The following PTPRN2 variants were observed in gnomAD, a reference collection of about 807,000 sequenced individuals.
PTPRN2 encodes the protein protein tyrosine phosphatase receptor type N2.
Under a neutral mutation model 118.8 loss-of-function variants are expected in PTPRN2, and 74 were observed. The observed-to-expected ratio is 0.62, with a 90% CI of 0.52 to 0.76. The LOEUF is 0.76. PTPRN2 is among the 30% of genes least tolerant of loss of function. The pLI, the probability that PTPRN2 is intolerant of heterozygous loss-of-function variation, is 0.00. For missense variants in PTPRN2, 1,481 were observed against 1,394.4 expected (o/e 1.06, Z -0.99); for synonymous variants, 641 against 608.0 (o/e 1.05, Z -0.80).
intron 12 of PTPRN2, among the ~76,000 whole-genome samples, chr7:157,775,166 C>T (rs918389218): frequency 1.3e-5 from 2 of 152,298 alleles, no homozygotes; most frequent in Admixed American, 6.5e-5. Flanking sequence ...AGTGTAGGCT[C>T]AGATGTGACT....
At chr7:158,026,902 C>T (rs1807315795) in intron 11 of PTPRN2, among the ~76,000 whole-genome samples, 1 of 152,280 alleles carries the variant, frequency 6.6e-6, no homozygotes. Flanking sequence ...GTCCAGCAGC[C>T]ACTCGGCTCT....
At chr7:158,417,250 G>A (rs1814751242) in intron 2 of PTPRN2, among the ~76,000 whole-genome samples, 1 of 152,046 alleles carries the variant, frequency 6.6e-6, no homozygotes, top group African/African-American at 2.4e-5. Flanking sequence ...GTCCTGCTGT[G>A]TTAAGTCATG....
intron 11 of PTPRN2, among the ~76,000 whole-genome samples, chr7:158,025,226 T>C (rs529988213): frequency 6.6e-6 from 1 of 152,270 alleles, no homozygotes; most frequent in South Asian, 2.1e-4. Flanking sequence ...AGTGTGATGG[T>C]TGGTAACTAG....
At chr7:158,372,375 CA>C (rs1563213289) in intron 2 of PTPRN2, among the ~76,000 whole-genome samples, 12 of 133,044 alleles carry the variant, frequency 9.0e-5, no homozygotes, top group Non-Finnish European at 1.5e-4. Context: ...GGCTGGACCC[CA>C]GAGCTGGCCT....
At chr7:157,983,448 G>T (rs1803469711) in intron 11 of PTPRN2, among the ~76,000 whole-genome samples, 1 of 151,618 alleles carries the variant, frequency 6.6e-6, no homozygotes. Context: ...AATGCAGAGT[G>T]CGGGGTCTCC....
chr7:157,636,506 C>CAT (rs1192255839), intron 14 of PTPRN2, among the ~76,000 whole-genome samples: 1 of 152,192 alleles, frequency 6.6e-6, no homozygotes, highest in Non-Finnish European at 1.5e-5. Context: ...TTAATTCAGT[C>CAT]TTATAATATT....
chr7:158,530,508 C>G (rs1207271938), intron 1 of PTPRN2, among the ~76,000 whole-genome samples: 4 of 152,090 alleles, frequency 2.6e-5, no homozygotes, highest in Non-Finnish European at 5.9e-5. Context: ...ACAGGGAGCT[C>G]TGGTACCCCA....
intron 12 of PTPRN2, among the ~76,000 whole-genome samples, chr7:157,839,798 T>C (rs940929659): frequency 1.4e-5 from 2 of 145,180 alleles, no homozygotes; most frequent in Non-Finnish European, 3.0e-5. Flanking sequence ...TGTGTGGCCA[T>C]ATGTGACTGT....
chr7:158,221,727 GTCAATTATC>G (rs1828392284), intron 3 of PTPRN2, among the ~76,000 whole-genome samples: 1 of 152,132 alleles, frequency 6.6e-6, no homozygotes, highest in Non-Finnish European at 1.5e-5. Context: ...TGCCCCATGA[GTCAATTATC>G]TCCTACCAGG....
intron 2 of PTPRN2, among the ~76,000 whole-genome samples, chr7:158,328,317 C>A (rs1419087419): frequency 1.3e-5 from 2 of 152,210 alleles, no homozygotes. Context: ...CCGTGGGCTG[C>A]GTCCAAGGCA....
chr7:158,005,311 T>C (rs1231425581), intron 11 of PTPRN2, among the ~76,000 whole-genome samples: 2 of 152,062 alleles, frequency 1.3e-5, no homozygotes, highest in Non-Finnish European at 2.9e-5. Flanking sequence ...CGACCTCATG[T>C]GATCCGCTCA....
Position 157,619,922 on chromosome 7 carries a change from C to T in PTPRN2, c.2344+1440G>A, listed in dbSNP as rs1477889628. 1.3e-5 allele frequency among the ~76,000 whole-genome samples: 2 copies of T among 152,162 alleles called. No individual in the cohort carries two copies. Among genetic ancestry groups the T allele is most frequent in the South Asian group, 2.1e-4 (1 of 4,826 alleles). On this transcript the variant is annotated intron_variant, in intron 15 of 22. Transcript: ENST00000389418. The surrounding 1 kb of genome is among the most constrained non-coding windows in gnomAD (Gnocchi z 5.3). ...AAGGGTTGAGGCAGGGACACAGTGA[C>T]GGAGAGACGGCCTCGGCCACAGGGG...
chr7:157,945,591 A>G (rs1800427269), intron 11 of PTPRN2, among the ~76,000 whole-genome samples: 2 of 152,012 alleles, frequency 1.3e-5, no homozygotes, highest in African/African-American at 2.4e-5. Flanking sequence ...AACTTGGACA[A>G]TGTCGCCTCC....
chr7:157,829,093 C>T (rs551378637), intron 12 of PTPRN2, among the ~76,000 whole-genome samples: 30 of 152,370 alleles, frequency 2.0e-4, no homozygotes, highest in African/African-American at 6.7e-4. Context: ...CGCAGCCGGG[C>T]GCGGGATGCT....
At chr7:158,359,997 C>T (rs1054186165) in intron 2 of PTPRN2, among the ~76,000 whole-genome samples, 1 of 151,986 alleles carries the variant, frequency 6.6e-6, no homozygotes, top group Non-Finnish European at 1.5e-5. Context: ...GAAGGGGACA[C>T]GGACGCTGCA....
At chr7:157,639,837 T>A (rs556672374) in intron 14 of PTPRN2, among the ~76,000 whole-genome samples, 2 of 152,298 alleles carry the variant, frequency 1.3e-5, no homozygotes, top group South Asian at 4.1e-4. Flanking sequence ...TCTGTCACCA[T>A]ATGGACTCAA....
chr7:157,765,247 CACCT>C (rs1365889108), intron 12 of PTPRN2, among the ~76,000 whole-genome samples: 12 of 149,770 alleles, frequency 8.0e-5, no homozygotes, highest in African/African-American at 2.0e-4. Flanking sequence ...TCCACCCACC[CACCT>C]GTCATTCATC....
In PTPRN2 at chr7:158,574,190, G is replaced by A. The variant is rs544609657; in HGVS notation, c.112+13368C>T. On this transcript the variant is annotated intron_variant, in intron 1 of 22. Transcript: ENST00000389418. This position sits in a 1 kb window ranked among gnomAD's most constrained non-coding sequence, Gnocchi z 4.6. Reference sequence around the variant, plus strand: ...GTTCTCAGCATATATTGTGCATCGAGACAGCAAATAACCATAGATTGAAGC... The same window carrying A: ...GTTCTCAGCATATATTGTGCATCGAAACAGCAAATAACCATAGATTGAAGC... 6.6e-6 allele frequency among the ~76,000 whole-genome samples: 1 copy of A among 152,206 alleles called. No individual in the cohort carries two copies. The highest frequency in any genetic ancestry group is 6.5e-5 in the Admixed American group (1 of 15,292).
chr7:158,018,966 CAAAAAAAAAAAAA>C (rs753498681), intron 11 of PTPRN2, among the ~76,000 whole-genome samples: 51 of 65,848 alleles, frequency 7.7e-4, no homozygotes, highest in South Asian at 1.3e-3. Flanking sequence ...GTTTCAAAAA[CAAAAAAAAAAAAA>C]AAAAAAAAAA....
Sources: allele counts gnomAD v4.1 joint callset (sites outside exome capture counted in the v4.1 genomes callset), GRCh38; gene constraint gnomAD v4.1.1; non-coding constraint Gnocchi (gnomAD v3.1); transcripts MANE v1.5; gene names NCBI Gene and HGNC (gene_info 2026-07-23, HGNC 2026-07-21).